Variants in PRIM2 observed in about 807,000 individuals in gnomAD.
PRIM2 encodes DNA primase subunit 2.
A neutral mutation model predicts 67.3 loss-of-function variants in PRIM2; 39 were observed. The observed-to-expected ratio is 0.58, with a 90% CI of 0.45 to 0.76. The LOEUF is 0.76. PRIM2 is among the 30% of genes least tolerant of loss of function. The pLI, the probability that PRIM2 is intolerant of heterozygous loss-of-function variation, is 0.00. For synonymous variants in PRIM2, 143 were observed against 198.7 expected (o/e 0.72, Z 2.36); for missense variants, 398 against 598.7 (o/e 0.66, Z 3.50).
the PRIM2 span, among the ~76,000 whole-genome samples, chr6:57,298,574 A>G: frequency 1.3e-5 from 2 of 151,960 alleles, no homozygotes; most frequent in South Asian, 2.1e-4. Flanking sequence ...GCATGTCACA[A>G]TGGAGAGCAA....
intron 12 of PRIM2, among the ~76,000 whole-genome samples, chr6:57,612,776 C>G (rs1250710581): frequency 1.4e-5 from 2 of 140,054 alleles, no homozygotes; most frequent in African/African-American, 5.2e-5. Flanking sequence ...TAATTTTTTT[C>G]TTTTTTTTCT....
At position 57,601,026 on chromosome 6, in the gene PRIM2, G is replaced by A. The variant is rs1470715935; in HGVS notation, c.1021-67G>A. On this transcript the variant is annotated intron_variant, in intron 10 of 13. Coordinates refer to ENST00000615550, the MANE Select transcript of PRIM2 (RefSeq NM_000947.5). ...GCTTTGCACTCTTTGATTCTAGCTT[G>A]TGTTGCTGACCTCACTAGTATAATT... 9.2e-6 allele frequency: 13 copies of A among 1,413,814 alleles called. No individual in the cohort carries two copies. The African/African-American group carries it at 1.4e-4, about 16-fold the overall frequency. The allele number at this position is 1,413,814 out of a possible 1,614,324, so 87.6% of individuals were successfully genotyped here.
intron 13 of PRIM2, among the ~76,000 whole-genome samples, chr6:57,638,098 A>G (rs2127500810): frequency 6.6e-6 from 1 of 152,322 alleles, no homozygotes; most frequent in African/African-American, 2.4e-5. Context: ...CCAATATACA[A>G]CATTCTTAAA....
chr6:57,351,746 A>G (rs986185654), intron 5 of PRIM2, among the ~76,000 whole-genome samples: 1 of 152,050 alleles, frequency 6.6e-6, no homozygotes, highest in African/African-American at 2.4e-5. Flanking sequence ...GGGCAGTTCA[A>G]AATGTTAGGT....
intron 13 of PRIM2, among the ~76,000 whole-genome samples, chr6:57,637,170 C>G (rs1234384914): frequency 2.6e-5 from 4 of 152,144 alleles, no homozygotes; most frequent in Non-Finnish European, 5.9e-5. Context: ...AAGGGTCTAA[C>G]TGTCAGAAGG....
intron 7 of PRIM2, among the ~76,000 whole-genome samples, chr6:57,474,997 G>A (rs1295535273): frequency 2.0e-5 from 3 of 152,116 alleles, no homozygotes; most frequent in African/African-American, 7.2e-5. Context: ...TAGGCAATCG[G>A]CTGCTCTGGG....
chr6:57,526,012 A>G (rs1315876330), intron 8 of PRIM2, among the ~76,000 whole-genome samples: 3 of 135,936 alleles, frequency 2.2e-5, no homozygotes, highest in Non-Finnish European at 3.3e-5. Context: ...TGGGATGTGG[A>G]AAAAAAGTGT....
chr6:57,308,218 C>A, the PRIM2 span, among the ~76,000 whole-genome samples: 7 of 151,914 alleles, frequency 4.6e-5, no homozygotes, highest in East Asian at 1.4e-3. Flanking sequence ...AGCCTCCCAG[C>A]CTCAGGTGAT....
At chr6:57,489,543 T>G (rs1431046848) in intron 7 of PRIM2, among the ~76,000 whole-genome samples, 2 of 144,348 alleles carry the variant, frequency 1.4e-5, no homozygotes, top group Non-Finnish European at 3.0e-5. Flanking sequence ...GGCGACAGAG[T>G]GAGACCCCCG....
intron 8 of PRIM2, among the ~76,000 whole-genome samples, chr6:57,530,409 A>G (rs1294496282): frequency 2.6e-5 from 4 of 152,242 alleles, no homozygotes; most frequent in African/African-American, 9.6e-5. Flanking sequence ...TCATCTCCAC[A>G]TAATAAGAAT....
At chr6:57,467,191 CTT>C (rs1456129273) in intron 7 of PRIM2, among the ~76,000 whole-genome samples, 2 of 149,646 alleles carry the variant, frequency 1.3e-5, no homozygotes, top group African/African-American at 4.9e-5. Context: ...GTCATGAAGT[CTT>C]TGCCCATCAT....
chr6:57,256,741 C>CACAT, the PRIM2 span, among the ~76,000 whole-genome samples: 1 of 110,156 alleles, frequency 9.1e-6, no homozygotes, highest in East Asian at 2.0e-4. Context: ...CACACACACA[C>CACAT]ACATACACTC....
chr6:57,487,142 A>G (rs1463406926), intron 7 of PRIM2, among the ~76,000 whole-genome samples: 2 of 152,196 alleles, frequency 1.3e-5, no homozygotes, highest in Non-Finnish European at 2.9e-5. Context: ...GACTTCTAAT[A>G]AGCTTGTTTA....
At chr6:57,462,191 A>G (rs1290023070) in intron 7 of PRIM2, among the ~76,000 whole-genome samples, 18 of 152,334 alleles carry the variant, frequency 1.2e-4, no homozygotes, top group African/African-American at 4.3e-4. Flanking sequence ...CAAAAAAATC[A>G]CAGGAGAGTG....
chr6:57,317,484 A>G (rs549639039), upstream of PRIM2: 2 of 152,800 alleles, frequency 1.3e-5, no homozygotes, highest in African/African-American at 4.8e-5. Flanking sequence ...AACACTTTAA[A>G]GCTGCCAAGG....
chr6:57,439,827 A>G (rs1772144633), intron 7 of PRIM2, among the ~76,000 whole-genome samples: 1 of 152,236 alleles, frequency 6.6e-6, no homozygotes, highest in Admixed American at 6.5e-5. Context: ...AAACACTGAA[A>G]TTGACATCCA....
intron 7 of PRIM2, among the ~76,000 whole-genome samples, chr6:57,476,369 A>G (rs1469041346): frequency 6.6e-6 from 1 of 152,190 alleles, no homozygotes; most frequent in African/African-American, 2.4e-5. Flanking sequence ...GGCAGATTTA[A>G]TGGATGGGAC....
intron 13 of PRIM2, among the ~76,000 whole-genome samples, chr6:57,642,286 T>C (rs1304766303): frequency 6.6e-6 from 1 of 151,982 alleles, no homozygotes; most frequent in Non-Finnish European, 1.5e-5. Context: ...AGATAACAGG[T>C]TGGTGGGCGC....
At chr6:57,274,586 G>C in the PRIM2 span, among the ~76,000 whole-genome samples, 1 of 152,216 alleles carries the variant, frequency 6.6e-6, no homozygotes, top group Non-Finnish European at 1.5e-5. Flanking sequence ...CGGGTGATGC[G>C]AAGCCTCGCC....
Sources: gnomAD v4.1 joint callset for allele counts (sites outside exome capture counted in the v4.1 genomes callset) on GRCh38, gnomAD v4.1.1 for gene constraint, MANE v1.5 for transcripts, NCBI Gene and HGNC (gene_info 2026-07-23, HGNC 2026-07-21) for gene names.